CERT1: variants seen among roughly 807,000 people sequenced by gnomAD.
The protein encoded by CERT1 is ceramide transporter 1, also known as ceramide transfer protein.
In CERT1, 31 loss-of-function variants were observed where a neutral mutation model predicts 87.9. The observed-to-expected ratio is 0.35, with a 90% CI of 0.27 to 0.48. The LOEUF is 0.48. CERT1 is among the 20% of genes least tolerant of loss of function. The probability of loss-of-function intolerance (pLI) is 0.99; values close to 1 mark genes in which losing one functional copy is unlikely to be tolerated. For missense variants in CERT1, 487 were observed against 758.0 expected, an observed-to-expected ratio of 0.64 and a Z score of 4.20; for synonymous variants, 289 against 250.9, an observed-to-expected ratio of 1.15 and a Z score of -1.44.
chr5:75,466,689 G>A (rs898981235), intron 2 of CERT1, among the ~76,000 whole-genome samples: 1 of 152,088 alleles, frequency 6.6e-6, no homozygotes, highest in Non-Finnish European at 1.5e-5. Flanking sequence ...TAAGGTAATG[G>A]TACAAACACC....
intron 2 of CERT1, among the ~76,000 whole-genome samples, chr5:75,477,915 C>T (rs1766042660): frequency 1.3e-5 from 2 of 152,162 alleles, no homozygotes; most frequent in Non-Finnish European, 2.9e-5. Flanking sequence ...TTTAAAAATA[C>T]ATAAGACCTG....
At chr5:75,492,335 C>T (rs181247671) in intron 2 of CERT1, among the ~76,000 whole-genome samples, 1 of 152,088 alleles carries the variant, frequency 6.6e-6, no homozygotes, top group Non-Finnish European at 1.5e-5. Context: ...TGCATTCCAG[C>T]CTGGACGGCA....
At chr5:75,396,593 G>T (rs1762263286) in intron 11 of CERT1, among the ~76,000 whole-genome samples, 1 of 151,982 alleles carries the variant, frequency 6.6e-6, no homozygotes, top group South Asian at 2.1e-4. Flanking sequence ...GCTGGGTGTG[G>T]TGGCAGGTGC....
chr5:75,421,451 T>C (rs939387610), intron 5 of CERT1, among the ~76,000 whole-genome samples: 19 of 152,236 alleles, frequency 1.2e-4, no homozygotes, highest in Non-Finnish European at 1.5e-5. Context: ...ATACCCTGTA[T>C]TCATTTCTAC....
intron 3 of CERT1, among the ~76,000 whole-genome samples, chr5:75,449,279 A>G (rs1005093018): frequency 6.6e-6 from 1 of 152,212 alleles, no homozygotes; most frequent in Non-Finnish European, 1.5e-5. Flanking sequence ...ATGAATAAAC[A>G]GGAATTACAA....
At chr5:75,483,753 T>C (rs1378665146) in intron 2 of CERT1, among the ~76,000 whole-genome samples, 3 of 151,798 alleles carry the variant, frequency 2.0e-5, no homozygotes, top group African/African-American at 4.8e-5. Context: ...TCAAACATGA[T>C]GGAAAAATAA....
At chr5:75,507,068 C>CT in intron 1 of CERT1, among the ~76,000 whole-genome samples, 1 of 152,090 alleles carries the variant, frequency 6.6e-6, no homozygotes, top group Non-Finnish European at 1.5e-5. Flanking sequence ...ACTGAGAAAT[C>CT]TTTTATTTTT....
At chr5:75,410,477 G>T (rs980472415) in intron 8 of CERT1, among the ~76,000 whole-genome samples, 7 of 152,014 alleles carry the variant, frequency 4.6e-5, no homozygotes, top group Non-Finnish European at 8.8e-5. Context: ...AGGCGTGGTG[G>T]CGGGTGCCTG....
intron 2 of CERT1, among the ~76,000 whole-genome samples, chr5:75,494,921 A>G (rs1263551033): frequency 6.6e-6 from 1 of 152,234 alleles, no homozygotes; most frequent in Non-Finnish European, 1.5e-5. Context: ...TAAAAAGCCA[A>G]GTGAAACTAT....
At chr5:75,478,321 A>G (rs1766068459) in intron 2 of CERT1, among the ~76,000 whole-genome samples, 1 of 152,146 alleles carries the variant, frequency 6.6e-6, no homozygotes, top group African/African-American at 2.4e-5. Context: ...CTCTAAAAAA[A>G]AAATAAAAAA....
rs780272513 is a variant in CERT1, at chr5:75,379,194, C to T, written c.*152G>A. The T allele has an allele frequency of 2.9e-5, 20 of 701,692 alleles. No individual in the cohort carries two copies. Among genetic ancestry groups the T allele is most frequent in the South Asian group, 4.1e-5 (2 of 49,314 alleles). The allele number at this position is 701,692 out of a possible 1,614,324, so 43.5% of individuals were successfully genotyped here. A position where few individuals can be genotyped will look rare whatever the true frequency, so the allele number is the denominator to read the frequency against. Reference sequence around the variant, plus strand: ...AAGACCCTGTTTAAAACAACAACAACGACAACAACAAAAACCAACGAAACA... The same window carrying T: ...AAGACCCTGTTTAAAACAACAACAATGACAACAACAAAAACCAACGAAACA... On this transcript the variant is annotated 3_prime_UTR_variant, in exon 17 of 17. Transcript: ENST00000643780.
intron 3 of CERT1, among the ~76,000 whole-genome samples, chr5:75,454,980 C>T (rs1220528874): frequency 2.0e-5 from 3 of 152,140 alleles, no homozygotes; most frequent in Non-Finnish European, 4.4e-5. Flanking sequence ...AGTTCCAAAG[C>T]ACTTCCCAAA....
intron 8 of CERT1, among the ~76,000 whole-genome samples, chr5:75,403,524 C>T (rs1295042230): frequency 6.6e-6 from 1 of 152,202 alleles, no homozygotes; most frequent in Non-Finnish European, 1.5e-5. Context: ...TCTAGGGCTT[C>T]TTTAGTAGCA....
rs553290173 is a variant in CERT1, at chr5:75,380,514, C to T, written c.1747+558G>A. On this transcript the variant is annotated intron_variant, in intron 16 of 16. Coordinates refer to ENST00000643780, the MANE Select transcript of CERT1 (RefSeq NM_001379029.1). ...TGCTTAATATGAAGGCTAGGTCGAG[C>T]GCAGTGGCTCACGCCTGTAATCCCA... Among the ~76,000 whole-genome samples, 17 of 152,086 alleles carry T rather than the reference C, an allele frequency of 1.1e-4. No individual in the cohort carries two copies. In the South Asian group the frequency reaches 1.9e-3, roughly 17 times the overall value.
At chr5:75,474,729 T>A (rs1765881156) in intron 2 of CERT1, among the ~76,000 whole-genome samples, 1 of 152,088 alleles carries the variant, frequency 6.6e-6, no homozygotes. Flanking sequence ...ATATGCAAAA[T>A]TCAATTGTAA....
chr5:75,484,960 T>C (rs912419869), intron 2 of CERT1, among the ~76,000 whole-genome samples: 2 of 152,256 alleles, frequency 1.3e-5, no homozygotes, highest in South Asian at 2.1e-4. Flanking sequence ...CCAGACCATA[T>C]GTTAGGCCAC....
At chr5:75,386,074 A>G (rs758248100) in intron 12 of CERT1, 40 bp from the exon 13 acceptor site, 1 of 1,412,568 alleles carries the variant, frequency 7.1e-7, no homozygotes, top group Admixed American at 2.7e-5. Flanking sequence ...GAAAATTAAA[A>G]ATCAAGCCCA....
intron 14 of CERT1, among the ~76,000 whole-genome samples, chr5:75,382,906 A>T (rs1342929655): frequency 2.6e-5 from 4 of 152,112 alleles, no homozygotes; most frequent in Admixed American, 6.6e-5. Context: ...TGGCAAATTT[A>T]GACCTAATGA....
rs542758661 is a variant in CERT1 at position 75,408,976 on chromosome 5, T to C, written c.930+2035A>G. 4.6e-5 allele frequency among the ~76,000 whole-genome samples: 7 copies of C among 152,192 alleles called. No individual in the cohort carries two copies. In the East Asian group the frequency reaches 1.3e-3, roughly 29 times the overall value. ...GTTGATGGAAGCAGAGATAAATATG[T>C]ACACAAATTATACTTACATACTGCT... On this transcript the variant is annotated intron_variant, in intron 8 of 16. Transcript: ENST00000643780.
Sources: gnomAD v4.1 joint callset for allele counts (sites outside exome capture counted in the v4.1 genomes callset) on GRCh38, gnomAD v4.1.1 for gene constraint, MANE v1.5 for transcripts, NCBI Gene and HGNC (gene_info 2026-07-23, HGNC 2026-07-21) for gene names.